Variants in EML6 observed in about 807,000 individuals in gnomAD.
EML6 encodes EMAP like 6, also known as echinoderm microtubule-associated protein-like 6.
In EML6, 154 loss-of-function variants were observed where a neutral mutation model predicts 240.1. The ratio of observed to expected loss-of-function variants is 0.64; its 90% CI spans 0.56 to 0.73. The LOEUF (loss-of-function observed/expected upper bound fraction) is 0.73. EML6 is among the 30% of genes least tolerant of loss of function. The pLI, the probability that EML6 is intolerant of heterozygous loss-of-function variation, is 0.00. For missense variants in EML6, 2,964 were observed against 2,474.6 expected (o/e 1.20, Z -4.20); for synonymous variants, 1,148 against 899.0 (o/e 1.28, Z -4.95).
chr2:54,888,850 A>G (rs897814813), intron 17 of EML6, among the ~76,000 whole-genome samples: 1 of 152,194 alleles, frequency 6.6e-6, no homozygotes, highest in African/African-American at 2.4e-5. Context: ...GTGTGGACAT[A>G]AGTTTTCAGC....
At chr2:54,806,599 G>A (rs1388701698) in intron 2 of EML6, among the ~76,000 whole-genome samples, 2 of 90,604 alleles carry the variant, frequency 2.2e-5, no homozygotes, top group East Asian at 8.2e-4. Context: ...GGCAACAAGA[G>A]TGACTCCGTC....
At chr2:54,965,975 A>G (rs535715586) in intron 38 of EML6, among the ~76,000 whole-genome samples, 1 of 152,266 alleles carries the variant, frequency 6.6e-6, no homozygotes, top group African/African-American at 2.4e-5. Flanking sequence ...AGTTCAGCCT[A>G]CATCCAGGAA....
intron 16 of EML6, among the ~76,000 whole-genome samples, chr2:54,879,026 G>T (rs1671674581): frequency 6.6e-6 from 1 of 152,160 alleles, no homozygotes; most frequent in African/African-American, 2.4e-5. Context: ...TCTTTTGAAA[G>T]AATTTTTTAA....
chr2:54,940,499 C>T (rs1675374970), intron 28 of EML6, among the ~76,000 whole-genome samples: 1 of 152,116 alleles, frequency 6.6e-6, no homozygotes, highest in Admixed American at 6.5e-5. Context: ...TTATCAGTTC[C>T]CCAGTGGCTG....
chr2:54,883,725 C>T (rs1245175126), intron 17 of EML6, among the ~76,000 whole-genome samples: 7 of 152,154 alleles, frequency 4.6e-5, no homozygotes, highest in African/African-American at 1.7e-4. Context: ...TACACACATG[C>T]ACATGTGTGC....
chr2:54,816,252 G>C (rs138844390), intron 3 of EML6, among the ~76,000 whole-genome samples: 70 of 152,302 alleles, frequency 4.6e-4, no homozygotes, highest in Non-Finnish European at 8.1e-4. Context: ...AGGGAATTTA[G>C]GCTGGGAGGT....
intron 5 of EML6, among the ~76,000 whole-genome samples, chr2:54,821,694 C>G (rs554241801): frequency 6.6e-6 from 1 of 151,842 alleles, no homozygotes; most frequent in African/African-American, 2.4e-5. Context: ...ATAAAAAAAG[C>G]TGAAAAATAG....
chr2:54,853,736 C>A lies in EML6; in HGVS notation c.1538C>A (p.Pro513His). 4 of 1,551,526 alleles carry A rather than the reference C, an allele frequency of 2.6e-6. No individual in the cohort carries two copies. The highest frequency in any genetic ancestry group is 3.5e-6 in the Non-Finnish European group (4 of 1,146,898). Residue 513 changes from proline to histidine, a missense_variant, in exon 11 of 42, where the codon CCC becomes CAC. Pro to His is a moderately conservative substitution (Grantham distance 77). Coordinates refer to ENST00000356458, the MANE Select transcript of EML6 (RefSeq NM_001039753.4). Reference protein sequence around the residue: ...VKGPEVSGIWPKYTEVTDINS... With the variant: ...VKGPEVSGIWHKYTEVTDINS... ...GGCCCTGAAGTGAGTGGAATTTGGC[C>A]CAAATACACTGAGGTTACTGACATC...
At chr2:54,748,902 TTTATGTCTAAGCCTTCATA>T (rs1684033975) in intron 2 of EML6, among the ~76,000 whole-genome samples, 1 of 152,150 alleles carries the variant, frequency 6.6e-6, no homozygotes, top group African/African-American at 2.4e-5. Context: ...CAATCTTGGT[TTTATGTCTAAGCCTTCATA>T]TCGATGGACA....
At chr2:54,936,749 A>C (rs1379885093) in intron 28 of EML6, among the ~76,000 whole-genome samples, 1 of 152,158 alleles carries the variant, frequency 6.6e-6, no homozygotes, top group Non-Finnish European at 1.5e-5. Flanking sequence ...TCCTGTTTCT[A>C]CATTATTTTT....
At chr2:54,929,166 A>G (rs1013084813) in intron 28 of EML6, among the ~76,000 whole-genome samples, 2 of 152,218 alleles carry the variant, frequency 1.3e-5, no homozygotes, top group African/African-American at 4.8e-5. Context: ...ACCATCTTCC[A>G]TTCTAACCAG....
chr2:54,766,797 CCTTT>C (rs1668204263), intron 2 of EML6, among the ~76,000 whole-genome samples: 1 of 151,872 alleles, frequency 6.6e-6, no homozygotes, highest in Admixed American at 6.6e-5. Context: ...ATATATATGT[CCTTT>C]GTTTATATGT....
At chr2:54,829,240 T>C in intron 6 of EML6, 102 bp from the exon 7 acceptor site, 1 of 1,148,606 alleles carries the variant, frequency 8.7e-7, no homozygotes, top group South Asian at 1.7e-5. Context: ...GGGTTTTATT[T>C]TTGTTTTTGA....
At chr2:54,946,433 G>A (rs892324345) in intron 28 of EML6, among the ~76,000 whole-genome samples, 1 of 152,138 alleles carries the variant, frequency 6.6e-6, no homozygotes, top group African/African-American at 2.4e-5. Flanking sequence ...ATGTCCTCAT[G>A]CCTCCACTCC....
intron 24 of EML6, among the ~76,000 whole-genome samples, chr2:54,903,996 C>T (rs1169046165): frequency 1.3e-5 from 2 of 152,198 alleles, no homozygotes; most frequent in East Asian, 3.8e-4. Context: ...CCTACTCCTA[C>T]CTCCTCCAAG....
At chr2:54,767,850 G>A (rs1668250529) in intron 2 of EML6, among the ~76,000 whole-genome samples, 1 of 152,062 alleles carries the variant, frequency 6.6e-6, no homozygotes, top group Non-Finnish European at 1.5e-5. Context: ...TCAAACTGCT[G>A]AGCTCAAGCG....
chr2:54,839,863 C>T (rs1669346593), intron 7 of EML6, among the ~76,000 whole-genome samples: 1 of 150,850 alleles, frequency 6.6e-6, no homozygotes, highest in Non-Finnish European at 1.5e-5. Context: ...AGGTTTTGGT[C>T]TTTGTTCCTG....
rs535471155 is a variant in EML6, at chr2:54,860,784, C to T, written c.1825+1083C>T. Reference sequence around the variant, plus strand: ...CGGCTTCTTCTCTTAGGAGTGGTGACGAGAAGGTGCTATAAGAATGCAGCT... The same window carrying T: ...CGGCTTCTTCTCTTAGGAGTGGTGATGAGAAGGTGCTATAAGAATGCAGCT... On this transcript the variant is annotated intron_variant, in intron 12 of 41. Coordinates refer to ENST00000356458, the MANE Select transcript of EML6 (RefSeq NM_001039753.4). 7.9e-5 allele frequency among the ~76,000 whole-genome samples: 12 copies of T among 152,234 alleles called. No individual in the cohort carries two copies. In the South Asian group the frequency reaches 1.0e-3, roughly 13 times the overall value.
intron 26 of EML6, among the ~76,000 whole-genome samples, chr2:54,921,583 T>G (rs188687069): frequency 6.6e-6 from 1 of 152,132 alleles, no homozygotes; most frequent in Non-Finnish European, 1.5e-5. Context: ...AAAACAACCT[T>G]AAAATGTGTA....
Sources: allele counts gnomAD v4.1 joint callset (sites outside exome capture counted in the v4.1 genomes callset), GRCh38; gene constraint gnomAD v4.1.1; transcripts MANE v1.5; gene names NCBI Gene and HGNC (gene_info 2026-07-23, HGNC 2026-07-21).